The following HCN2 variants were observed in gnomAD, a reference collection of about 807,000 sequenced individuals.
The protein encoded by HCN2 is potassium/sodium hyperpolarization-activated cyclic nucleotide-gated channel 2.
A neutral mutation model predicts 52.3 loss-of-function variants in HCN2; 20 were observed. That is an observed-to-expected ratio of 0.38 (90% CI 0.27 to 0.56). The LOEUF (loss-of-function observed/expected upper bound fraction) is 0.56, where lower values mean the gene tolerates loss of function less well. Ranked by LOEUF, HCN2 falls within the 20% of genes least tolerant of loss-of-function variation. The pLI is 0.71. For missense variants in HCN2, 981 were observed against 1,207.7 expected (o/e 0.81, Z 2.78); for synonymous variants, 694 against 537.0 (o/e 1.29, Z -4.04).
Position 605,315 on chromosome 19 carries a change from C to A in HCN2, c.1218+93C>A, listed in dbSNP as rs145837401. The A allele has an allele frequency of 6.8e-4, 866 of 1,277,854 alleles. 35 individuals carry two copies. The East Asian group carries it at 0.015, about 22-fold the overall frequency. 79.2% of individuals were successfully genotyped at this position (1,277,854 alleles called of 1,614,324 possible). A position where few individuals can be genotyped will look rare whatever the true frequency, so the allele number is the denominator to read the frequency against. The stretch of plus-strand genomic sequence containing the variant: ...CTTATCCCGCTTACAGAGGGTTGAA[C>A]CCAAGCCTTTCAGAGGTGGGGACCC... On this transcript the variant is annotated intron_variant, in intron 3 of 7. Transcript: ENST00000251287.
At chr19:610,457 T>A in intron 5 of HCN2, 52 bp downstream of exon 5, 2 of 1,550,108 alleles carry the variant, frequency 1.3e-6, no homozygotes, top group Non-Finnish European at 1.8e-6. Flanking sequence ...AGGGCCGGCC[T>A]CCCTCTCCTG....
Position 590,495 on chromosome 19 carries a change from G to C in HCN2, c.550G>C (p.Gly184Arg). ...GVNKFSLRMF[G>R]SQKAVEREQE... Reference sequence around the variant, plus strand: ...CAACAAGTTCTCGCTGCGGATGTTCGGCAGCCAGAAGGCCGTGGAGCGCGA... The same window carrying C: ...CAACAAGTTCTCGCTGCGGATGTTCCGCAGCCAGAAGGCCGTGGAGCGCGA... Residue 184 changes from glycine (G) to arginine (R), a missense_variant, in exon 1 of 8, where the codon GGC becomes CGC. Coordinates refer to ENST00000251287, the MANE Select transcript of HCN2 (RefSeq NM_001194.4). This position sits in a 1 kb window ranked among gnomAD's most constrained non-coding sequence, Gnocchi z 7.2. 6.6e-7 allele frequency: 1 copy of C among 1,523,990 alleles called. No homozygotes were observed. Among genetic ancestry groups the C allele is most frequent in the South Asian group, 1.2e-5 (1 of 83,202 alleles). 94.4% of individuals were successfully genotyped at this position (1,523,990 alleles called of 1,614,324 possible).
At position 613,921 on chromosome 19, in the gene HCN2, C is replaced by T. The variant is rs1235020687; in HGVS notation, c.1895C>T (p.Ser632Leu). 6.3e-7 allele frequency: 1 copy of T among 1,578,688 alleles called. No homozygotes were observed. The highest frequency in any genetic ancestry group is 8.6e-7 in the Non-Finnish European group (1 of 1,161,616). Residue 632 changes from serine to leucine, a missense_variant, in exon 7 of 8, where the codon TCG becomes TTG. Ser to Leu is a moderately radical substitution (Grantham distance 145). Around this residue, in one of 6 missense-constraint regions of HCN2, gnomAD observed 85 missense variants for 106.1 expected, o/e 0.80. Transcript: ENST00000251287. ...GCTGACACCTACTGCCGCCTCTATTCGCTGAGCGTGGACAACTTCAACGAG... is the reference window on the plus strand; with the variant it reads ...GCTGACACCTACTGCCGCCTCTATTTGCTGAGCGTGGACAACTTCAACGAG... The part of the protein sequence containing the change: ...VRADTYCRLY[S>L]LSVDNFNEVL...
At chr19:604,793 G>T in intron 2 of HCN2, among the ~76,000 whole-genome samples, 1 of 113,128 alleles carries the variant, frequency 8.8e-6, no homozygotes, top group African/African-American at 3.2e-5. Flanking sequence ...CTGTGGATTT[G>T]GGGGGTGTCC....
intron 4 of HCN2, among the ~76,000 whole-genome samples, chr19:608,559 A>G (rs1347926409): frequency 7.9e-6 from 1 of 125,894 alleles, no homozygotes; most frequent in Admixed American, 8.0e-5. Context: ...ACAGGGAGGG[A>G]GGTCCAGAGC....
intron 3 of HCN2, 74 bp downstream of exon 3, chr19:605,296 C>G (rs1015336770): frequency 7.8e-6 from 11 of 1,417,470 alleles, no homozygotes; most frequent in Non-Finnish European, 1.1e-5. Context: ...CCCCCTTATC[C>G]CGCTTACAGA....
At chr19:610,512 C>A in intron 5 of HCN2, 107 bp downstream of exon 5, 1 of 980,330 alleles carries the variant, frequency 1.0e-6, no homozygotes, top group Non-Finnish European at 1.6e-6. Context: ...GCCTAGGCTG[C>A]AGCAGGAGGG....
At chr19:597,797 G>T (rs567157438) in intron 1 of HCN2, among the ~76,000 whole-genome samples, 1 of 150,850 alleles carries the variant, frequency 6.6e-6, no homozygotes, top group Admixed American at 6.6e-5. Context: ...AGGCCCTCCT[G>T]GTGGTTTCTA....
At chr19:602,985 C>T (rs34505785) in intron 1 of HCN2, among the ~76,000 whole-genome samples, 9,798 of 43,210 alleles carry the variant, frequency 0.23, 438 homozygotes, top group African/African-American at 0.34. Flanking sequence ...TGGGCACCCT[C>T]GTCCCCCAGG....
At chr19:602,555 C>T (rs1444580164) in intron 1 of HCN2, among the ~76,000 whole-genome samples, 1 of 152,192 alleles carries the variant, frequency 6.6e-6, no homozygotes, top group Non-Finnish European at 1.5e-5. Context: ...CCGGCGTGAG[C>T]TGAGCACGGT....
At position 616,094 on chromosome 19, in the gene HCN2, G is replaced by A. The variant is rs1213454617; in HGVS notation, c.2290G>A (p.Gly764Arg). 125 of 989,234 alleles carry A rather than the reference G, an allele frequency of 1.3e-4. 1 individual carries two copies. The highest frequency in any genetic ancestry group is 7.1e-5 in the African/African-American group (4 of 56,416). The allele number at this position is 989,234 out of a possible 1,614,324, so 61.3% of individuals were successfully genotyped here. A position where few individuals can be genotyped will look rare whatever the true frequency, so the allele number is the denominator to read the frequency against. Residue 764 changes from glycine (G) to arginine (R), a missense_variant, in exon 8 of 8, where the codon GGG (glycine) becomes AGG (arginine). Gly to Arg is a moderately radical substitution (Grantham distance 125). Transcript: ENST00000251287. Reference protein sequence around the residue: ...SPRLVRRPPPGPAPAAASPGP... With the variant: ...SPRLVRRPPPRPAPAAASPGP... Reference sequence around the variant, plus strand: ...GCGCCTCGTGCGCCGCCCGCCCCCGGGGCCCGCACCTGCCGCCGCCTCACC... The same window carrying A: ...GCGCCTCGTGCGCCGCCCGCCCCCGAGGCCCGCACCTGCCGCCGCCTCACC...
Position 595,881 on chromosome 19 carries a change from T to C in HCN2, c.632+5304T>C, listed in dbSNP as rs556842373. On this transcript the variant is annotated intron_variant, in intron 1 of 7. Transcript: ENST00000251287. ...CTCCGGCCCCTAATCCTCTCCCGGA[T>C]TGTCCCCATCTGTAAATCCTGGACG... Among the ~76,000 whole-genome samples the C allele has an allele frequency of 3.6e-4, 55 of 152,320 alleles. 1 individual carries two copies. The South Asian group carries it at 0.011, about 29-fold the overall frequency.
At chr19:611,188 C>T (rs116408063) in intron 5 of HCN2, among the ~76,000 whole-genome samples, 1,807 of 152,296 alleles carry the variant, frequency 0.012, 43 homozygotes, top group African/African-American at 0.041. Context: ...GGATGTCAGC[C>T]TGTCTTTCTG....
rs543731563 is a variant in HCN2, at chr19:608,679, C to T, written c.1437+497C>T. On this transcript the variant is annotated intron_variant, in intron 4 of 7. Coordinates refer to ENST00000251287, the MANE Select transcript of HCN2 (RefSeq NM_001194.4). ...CAGTCTTTGGACATCGGGAAGCCCCCGGGCTGAAGGGGCATTGCCAGGAGG... is the reference window on the plus strand; with the variant it reads ...CAGTCTTTGGACATCGGGAAGCCCCTGGGCTGAAGGGGCATTGCCAGGAGG... 4.6e-5 allele frequency among the ~76,000 whole-genome samples: 7 copies of T among 150,656 alleles called. No homozygotes were observed. In the South Asian group the frequency reaches 1.0e-3, roughly 23 times the overall value.
intron 5 of HCN2, among the ~76,000 whole-genome samples, chr19:612,419 T>TGA (rs1247504083): frequency 3.5e-4 from 41 of 117,204 alleles, no homozygotes; most frequent in Non-Finnish European, 6.8e-4. Flanking sequence ...TGTGTGTGTG[T>TGA]GTGTGTGTGA....
At chr19:593,239 A>AT (rs1449838755) in intron 1 of HCN2, among the ~76,000 whole-genome samples, 2 of 152,148 alleles carry the variant, frequency 1.3e-5, no homozygotes, top group East Asian at 3.9e-4. Context: ...TATTTGCTGA[A>AT]TTTTCTGAGG....
At position 605,123 on chromosome 19, in the gene HCN2, G is replaced by A. The variant is rs1418302883; in HGVS notation, c.1119G>A (p.Met373Ile). Reference sequence around the variant, plus strand: ...TGAGGATCTGCAATCTCATCAGCATGATGCTGCTGCTCTGCCACTGGGACG... The same window carrying A: ...TGAGGATCTGCAATCTCATCAGCATAATGCTGCTGCTCTGCCACTGGGACG... ...AVMRICNLIS[M>I]MLLLCHWDGC... Residue 373 changes from methionine to isoleucine, a missense_variant, in exon 3 of 8, where the codon ATG (methionine) becomes ATA (isoleucine). By Grantham distance (10) the Met-to-Ile change is conservative. This residue lies in a region of HCN2 where 282 missense variants were observed against 553.8 expected (regional missense o/e 0.51). Transcript: ENST00000251287. 10 of 1,612,068 alleles carry A rather than the reference G, an allele frequency of 6.2e-6. No homozygotes were observed. The highest frequency in any genetic ancestry group is 8.5e-6 in the Non-Finnish European group (10 of 1,179,576).
Position 617,131 on chromosome 19 carries a change from C to T in HCN2, c.*657C>T, listed in dbSNP as rs1984006358. ...CCCATTAACCCCCACACCCCCATTC[C>T]GCGCAATAAACGACAGCATTGGCGC... On this transcript the variant is annotated 3_prime_UTR_variant, in exon 8 of 8. Transcript: ENST00000251287. 8.3e-6 allele frequency: 6 copies of T among 721,502 alleles called. No homozygotes were observed. The highest frequency in any genetic ancestry group is 6.6e-5 in the Admixed American group (3 of 45,212). The allele number at this position is 721,502 out of a possible 1,614,324, so 44.7% of individuals were successfully genotyped here.
chr19:603,116 G>C (rs1983267448), intron 1 of HCN2, among the ~76,000 whole-genome samples: 1 of 150,164 alleles, frequency 6.7e-6, no homozygotes, highest in Admixed American at 6.7e-5. Context: ...CTGGGGGAAG[G>C]CACCAGCTTG....
Sources: allele counts gnomAD v4.1 joint callset (sites outside exome capture counted in the v4.1 genomes callset), GRCh38; gene constraint gnomAD v4.1.1; regional missense constraint gnomAD v4.1.1; non-coding constraint Gnocchi (gnomAD v3.1); transcripts MANE v1.5; gene names NCBI Gene and HGNC (gene_info 2026-07-23, HGNC 2026-07-21).